Variants in ASPRV1 observed in about 807,000 individuals in gnomAD.
ASPRV1 encodes the protein retroviral-like aspartic protease 1.
ASPRV1 carries 7 observed loss-of-function variants against 11.0 expected under a neutral mutation model. That is an observed-to-expected ratio of 0.64 (90% confidence interval 0.36 to 1.20). The LOEUF (loss-of-function observed/expected upper bound fraction) is 1.20. Ranked by LOEUF, ASPRV1 falls within the 50% of genes most tolerant of loss-of-function variation. The pLI, the probability that ASPRV1 is intolerant of heterozygous loss-of-function variation, is 0.02. For missense variants in ASPRV1, 299 were observed against 320.0 expected (o/e 0.93, Z 0.50); for synonymous variants, 136 against 138.4 (o/e 0.98, Z 0.12).
chr2:70,053,190 T>C, the ASPRV1 span, among the ~76,000 whole-genome samples: 1 of 152,176 alleles, frequency 6.6e-6, no homozygotes, highest in Non-Finnish European at 1.5e-5. Flanking sequence ...ACATGTTAGT[T>C]TGATTCAAAC....
At chr2:70,079,014 A>C in the ASPRV1 span, among the ~76,000 whole-genome samples, 2 of 152,156 alleles carry the variant, frequency 1.3e-5, no homozygotes, top group Admixed American at 6.5e-5. Context: ...AGAATGAAAA[A>C]ACAGATTTAA....
chr2:70,086,165 C>A, the ASPRV1 span: 1 of 152,068 alleles, frequency 6.6e-6, no homozygotes, highest in Non-Finnish European at 1.5e-5. Flanking sequence ...ATAAAACTCG[C>A]GGAGGTGGAA....
the ASPRV1 span, among the ~76,000 whole-genome samples, chr2:69,981,508 T>A: frequency 1.3e-5 from 2 of 152,254 alleles, no homozygotes; most frequent in African/African-American, 4.8e-5. Context: ...TTATAAATTT[T>A]TACACAAAGA....
the ASPRV1 span, among the ~76,000 whole-genome samples, chr2:69,947,775 T>G: frequency 6.6e-5 from 10 of 152,126 alleles, no homozygotes; most frequent in African/African-American, 1.4e-4. Flanking sequence ...TGTTTGTTTG[T>G]TTGGTTATGG....
chr2:70,043,143 G>C, the ASPRV1 span, among the ~76,000 whole-genome samples: 1 of 152,134 alleles, frequency 6.6e-6, no homozygotes, highest in Non-Finnish European at 1.5e-5. Flanking sequence ...CTCTTTGGAA[G>C]AACTCAGGCC....
At chr2:70,029,863 A>T in the ASPRV1 span, 1 of 152,032 alleles carries the variant, frequency 6.6e-6, no homozygotes, top group African/African-American at 2.4e-5. Flanking sequence ...ATGGTGGGAG[A>T]AAGGCACAGT....
At chr2:69,933,219 A>G in the ASPRV1 span, among the ~76,000 whole-genome samples, 3 of 150,654 alleles carry the variant, frequency 2.0e-5, no homozygotes, top group African/African-American at 7.3e-5. Flanking sequence ...AAAAAAAAAA[A>G]AAAAACAAAA....
At chr2:69,977,444 A>T in the ASPRV1 span, among the ~76,000 whole-genome samples, 1 of 152,116 alleles carries the variant, frequency 6.6e-6, no homozygotes, top group Non-Finnish European at 1.5e-5. Context: ...GTTGTGTAAG[A>T]TGCTGTCGAA....
At chr2:70,056,482 G>T in the ASPRV1 span, 1 of 151,002 alleles carries the variant, frequency 6.6e-6, no homozygotes, top group African/African-American at 2.4e-5. Context: ...GCGGGCGCCT[G>T]TAGTCCCAGC....
At chr2:69,952,143 C>T in the ASPRV1 span, among the ~76,000 whole-genome samples, 1 of 152,172 alleles carries the variant, frequency 6.6e-6, no homozygotes, top group Non-Finnish European at 1.5e-5. Context: ...ACCATTTACA[C>T]AACACTGGGC....
the ASPRV1 span, among the ~76,000 whole-genome samples, chr2:70,009,288 G>A: frequency 2.0e-5 from 3 of 150,142 alleles, no homozygotes; most frequent in Non-Finnish European, 4.4e-5. Flanking sequence ...GCTGTATTCA[G>A]CACTGCTTAT....
the ASPRV1 span, among the ~76,000 whole-genome samples, chr2:70,048,245 C>T: frequency 6.7e-6 from 1 of 148,158 alleles, no homozygotes; most frequent in African/African-American, 2.5e-5. Context: ...GAAACCCCAT[C>T]TCTACTAAAA....
the ASPRV1 span, among the ~76,000 whole-genome samples, chr2:69,988,098 T>C: frequency 6.6e-6 from 1 of 152,242 alleles, no homozygotes; most frequent in Non-Finnish European, 1.5e-5. Context: ...TGGAAAATGA[T>C]ATGGTGGTTC....
chr2:69,950,542 A>C, the ASPRV1 span, among the ~76,000 whole-genome samples: 1 of 152,226 alleles, frequency 6.6e-6, no homozygotes, highest in South Asian at 2.1e-4. Context: ...AACAATCTAA[A>C]TGTTAAAAAA....
the ASPRV1 span, among the ~76,000 whole-genome samples, chr2:69,977,126 A>T: frequency 6.6e-6 from 1 of 152,066 alleles, no homozygotes; most frequent in South Asian, 2.1e-4. Flanking sequence ...TGGGAGGAGG[A>T]GGTTGCACCA....
At chr2:70,002,943 A>G in the ASPRV1 span, 1 of 152,246 alleles carries the variant, frequency 6.6e-6, no homozygotes, top group Non-Finnish European at 1.5e-5. Flanking sequence ...CCAGAGGCCA[A>G]AAGAACCCTA....
At chr2:70,058,987 C>T in the ASPRV1 span, among the ~76,000 whole-genome samples, 5 of 142,832 alleles carry the variant, frequency 3.5e-5, no homozygotes, top group South Asian at 2.4e-4. Flanking sequence ...CCCAGGTTCA[C>T]GCCATTCTCC....
chr2:69,944,177 A>T, the ASPRV1 span, among the ~76,000 whole-genome samples: 1 of 152,222 alleles, frequency 6.6e-6, no homozygotes, highest in Non-Finnish European at 1.5e-5. Context: ...AAGCATCAGG[A>T]TCCCTTGTTT....
chr2:69,937,372 G>A, the ASPRV1 span: 16 of 1,610,842 alleles, frequency 9.9e-6, no homozygotes, highest in South Asian at 3.3e-5. Flanking sequence ...CCGTCTCCTC[G>A]GAGCGCTCCG....
Sources: gnomAD v4.1 joint callset for allele counts (sites outside exome capture counted in the v4.1 genomes callset) on GRCh38, gnomAD v4.1.1 for gene constraint, MANE v1.5 for transcripts, NCBI Gene and HGNC (gene_info 2026-07-23, HGNC 2026-07-21) for gene names.